WDR27: variants seen among roughly 807,000 people sequenced by gnomAD.
The protein encoded by WDR27 is WD repeat-containing protein 27.
In WDR27, 100 loss-of-function variants were observed where a neutral mutation model predicts 114.4. The ratio of observed to expected loss-of-function variants is 0.87; its 90% CI spans 0.74 to 1.03. The LOEUF (loss-of-function observed/expected upper bound fraction) is 1.03, where lower values mean the gene tolerates loss of function less well. Ranked by LOEUF, WDR27 falls within the 50% of genes least tolerant of loss-of-function variation. The pLI is 0.00. For missense variants in WDR27, 1,129 were observed against 1,092.9 expected (o/e 1.03, Z -0.47); for synonymous variants, 449 against 423.1 (o/e 1.06, Z -0.75).
chr6:169,656,107 G>A (rs1824113267), intron 13 of WDR27, among the ~76,000 whole-genome samples: 1 of 152,068 alleles, frequency 6.6e-6, no homozygotes, highest in Non-Finnish European at 1.5e-5. Flanking sequence ...GTCCCCCAGT[G>A]TGGCTGAGTT....
chr6:169,582,043 G>A (rs943119080), intron 24 of WDR27, among the ~76,000 whole-genome samples: 1 of 152,080 alleles, frequency 6.6e-6, no homozygotes, highest in African/African-American at 2.4e-5. Flanking sequence ...GCATGGTCTC[G>A]ACTCACTGCA....
intron 25 of WDR27, among the ~76,000 whole-genome samples, chr6:169,503,533 T>G (rs1353198824): frequency 5.9e-5 from 9 of 152,124 alleles, no homozygotes; most frequent in African/African-American, 2.2e-4. Flanking sequence ...CCAAGAGCCG[T>G]CCCCAGACAC....
chr6:169,555,335 G>C (rs982781644), intron 25 of WDR27, among the ~76,000 whole-genome samples: 1 of 152,062 alleles, frequency 6.6e-6, no homozygotes, highest in Non-Finnish European at 1.5e-5. Context: ...AAGCAAAGAA[G>C]AGCAGACTGC....
rs768809961 is a variant in WDR27, at chr6:169,613,515, T to C, written c.2321+44A>G. On this transcript the variant is annotated intron_variant, in intron 22 of 25. Transcript: ENST00000448612. The stretch of plus-strand genomic sequence containing the variant: ...AGAGATCAGATTGAGCTTATATCTC[T>C]TGAGCTCCCCACCCCTGCAGTGCAG... The C allele has an allele frequency of 8.6e-6, 13 of 1,503,894 alleles. No individual in the cohort carries two copies. The East Asian group carries it at 2.3e-4, about 26-fold the overall frequency. The allele number at this position is 1,503,894 out of a possible 1,614,324, so 93.2% of individuals were successfully genotyped here.
intron 5 of WDR27, 40 bp downstream of exon 5, chr6:169,667,942 A>G (rs2128288999): frequency 6.4e-7 from 1 of 1,564,206 alleles, no homozygotes; most frequent in Non-Finnish European, 8.7e-7. Flanking sequence ...TTTCCACAGC[A>G]CGTGCCACGC....
In WDR27 at chr6:169,688,812, A is replaced by G; in HGVS notation, c.189+5T>C. 2.5e-6 allele frequency: 4 copies of G among 1,598,166 alleles called. No individual in the cohort carries two copies. Among genetic ancestry groups the G allele is most frequent in the Non-Finnish European group, 8.5e-7 (1 of 1,172,734 alleles). The stretch of plus-strand genomic sequence containing the variant: ...ATGACACTGGACATGTAACTCGTTC[A>G]ATACCTGATGAGAAGGATCCTTAGT... On this transcript the variant is annotated splice_donor_5th_base_variant and intron_variant, in intron 2 of 25. Coordinates refer to ENST00000448612, the MANE Select transcript of WDR27 (RefSeq NM_182552.5).
the WDR27 span, among the ~76,000 whole-genome samples, chr6:169,435,783 CTT>C: frequency 2.6e-5 from 4 of 152,078 alleles, no homozygotes; most frequent in African/African-American, 9.7e-5. Context: ...GGACTGTGGT[CTT>C]TTGAGTTAAT....
chr6:169,670,404 T>C (rs1025954613), intron 4 of WDR27, 165 bp downstream of exon 4: 5 of 668,532 alleles, frequency 7.5e-6, no homozygotes, highest in Admixed American at 3.4e-5. Flanking sequence ...GGTTTTCCAA[T>C]TGCAAGATAA....
intron 25 of WDR27, among the ~76,000 whole-genome samples, chr6:169,469,825 C>T (rs1212694394): frequency 6.6e-6 from 1 of 152,210 alleles, no homozygotes; most frequent in Non-Finnish European, 1.5e-5. Context: ...ATCTCTATTC[C>T]CAGCATCTGC....
At chr6:169,487,049 G>C (rs914421361) in intron 25 of WDR27, among the ~76,000 whole-genome samples, 1 of 152,154 alleles carries the variant, frequency 6.6e-6, no homozygotes, top group Non-Finnish European at 1.5e-5. Context: ...GGGTCCAGCA[G>C]CCTGGATTTG....
chr6:169,514,920 T>C (rs1361763196), intron 25 of WDR27, among the ~76,000 whole-genome samples: 4 of 151,878 alleles, frequency 2.6e-5, no homozygotes, highest in Non-Finnish European at 5.9e-5. Context: ...TAAAAATAAA[T>C]CTACAGCAAA....
intron 1 of WDR27, among the ~76,000 whole-genome samples, chr6:169,693,976 G>A (rs767395061): frequency 3.3e-5 from 5 of 152,132 alleles, no homozygotes; most frequent in Admixed American, 2.0e-4. Flanking sequence ...AAACTACACC[G>A]TAGAACAAAT....
intron 16 of WDR27, among the ~76,000 whole-genome samples, chr6:169,646,863 C>T (rs993850841): frequency 1.3e-5 from 2 of 152,104 alleles, no homozygotes; most frequent in Admixed American, 6.6e-5. Context: ...AGGACATTTA[C>T]TGATAATACT....
intron 25 of WDR27, among the ~76,000 whole-genome samples, chr6:169,474,780 G>C (rs911690343): frequency 6.6e-6 from 1 of 152,132 alleles, no homozygotes; most frequent in Non-Finnish European, 1.5e-5. Context: ...TGAGTTCCAG[G>C]AATGATAAAA....
chr6:169,585,812 G>A (rs955337742), intron 23 of WDR27, among the ~76,000 whole-genome samples: 11 of 152,270 alleles, frequency 7.2e-5, no homozygotes, highest in Admixed American at 3.9e-4. Context: ...AGCGGTGGCC[G>A]AGGCAGAAGA....
chr6:169,598,953 G>A (rs1036647934), intron 23 of WDR27, among the ~76,000 whole-genome samples: 5 of 152,118 alleles, frequency 3.3e-5, no homozygotes, highest in Admixed American at 6.5e-5. Flanking sequence ...GATTTTCAAC[G>A]TGAAAATAAA....
At chr6:169,467,086 T>C (rs1420759488) in intron 25 of WDR27, among the ~76,000 whole-genome samples, 1 of 152,160 alleles carries the variant, frequency 6.6e-6, no homozygotes, top group Admixed American at 6.5e-5. Flanking sequence ...GCTCCAAAAA[T>C]CATCTCCTTT....
chr6:169,566,825 C>T (rs1460698924), intron 25 of WDR27, among the ~76,000 whole-genome samples: 2 of 152,182 alleles, frequency 1.3e-5, no homozygotes, highest in African/African-American at 4.8e-5. Flanking sequence ...ATAGTCTGTG[C>T]TTGACTAAGA....
rs78233989 is a variant in WDR27, at chr6:169,701,945, C to T, written c.-402G>A. 2.7e-6 allele frequency: 1 copy of T among 370,178 alleles called. No individual in the cohort carries two copies. The highest frequency in any genetic ancestry group is 1.9e-5 in the South Asian group (1 of 51,544). 22.9% of individuals were successfully genotyped at this position (370,178 alleles called of 1,614,324 possible). A position where few individuals can be genotyped will look rare whatever the true frequency, so the allele number is the denominator to read the frequency against. ...TCACAGCACCCAGCTCCCAGGAGGG[C>T]ACGCAGAGGACTACCGAGCCACACT... On this transcript the variant is annotated 5_prime_UTR_variant, in exon 1 of 26. Coordinates refer to ENST00000448612, the MANE Select transcript of WDR27 (RefSeq NM_182552.5).
Sources: allele counts gnomAD v4.1 joint callset (sites outside exome capture counted in the v4.1 genomes callset), GRCh38; gene constraint gnomAD v4.1.1; transcripts MANE v1.5; gene names NCBI Gene and HGNC (gene_info 2026-07-23, HGNC 2026-07-21).